Variants in ATRNL1 observed in about 807,000 individuals in gnomAD.
ATRNL1 encodes attractin like 1.
A neutral mutation model predicts 182.7 loss-of-function variants in ATRNL1; 95 were observed. The observed-to-expected ratio is 0.52, with a 90% CI of 0.44 to 0.62. ATRNL1 has a LOEUF of 0.62. ATRNL1 is among the 20% of genes least tolerant of loss of function. The probability of loss-of-function intolerance (pLI) is 0.00; values close to 1 mark genes in which losing one functional copy is unlikely to be tolerated. For missense variants in ATRNL1, 1,471 were observed against 1,679.5 expected, an observed-to-expected ratio of 0.88 and a Z score of 2.17; for synonymous variants, 576 against 568.3, an observed-to-expected ratio of 1.01 and a Z score of -0.19.
At chr10:115,651,255 T>C (rs1283511372) in intron 26 of ATRNL1, among the ~76,000 whole-genome samples, 4 of 150,162 alleles carry the variant, frequency 2.7e-5, no homozygotes, top group Non-Finnish European at 5.9e-5. Flanking sequence ...GGGCTACCTA[T>C]TGGGTACTAT....
chr10:115,703,723 T>G (rs1946811311), intron 26 of ATRNL1, among the ~76,000 whole-genome samples: 1 of 151,752 alleles, frequency 6.6e-6, no homozygotes, highest in South Asian at 2.1e-4. Context: ...AAAAATATAT[T>G]TAAAACAAAC....
chr10:115,583,615 C>T (rs4463771), intron 26 of ATRNL1, among the ~76,000 whole-genome samples: 130,537 of 134,534 alleles, frequency 0.97, 63,533 homozygotes, highest in East Asian at 1. Flanking sequence ...CCTGAAACTT[C>T]GCTGAAGTTG....
chr10:115,794,130 A>G (rs1676277156), intron 27 of ATRNL1, among the ~76,000 whole-genome samples: 2 of 152,170 alleles, frequency 1.3e-5, no homozygotes, highest in Non-Finnish European at 2.9e-5. Context: ...TGGGATTAAC[A>G]TTTGCTCTAC....
At chr10:115,355,752 C>T (rs1183920345) in intron 19 of ATRNL1, among the ~76,000 whole-genome samples, 1 of 151,810 alleles carries the variant, frequency 6.6e-6, no homozygotes, top group Non-Finnish European at 1.5e-5. Flanking sequence ...ATTATGAATA[C>T]ATTTTTTTCC....
chr10:115,730,044 G>A (rs1284648942), intron 27 of ATRNL1, among the ~76,000 whole-genome samples: 2 of 151,672 alleles, frequency 1.3e-5, no homozygotes, highest in Admixed American at 6.6e-5. Context: ...ATCATTTGAG[G>A]TTAGGAGTTC....
chr10:115,800,154 G>C (rs777498226), intron 27 of ATRNL1, among the ~76,000 whole-genome samples: 7 of 151,682 alleles, frequency 4.6e-5, no homozygotes, highest in Non-Finnish European at 2.9e-5. Context: ...CCACGAGATG[G>C]AGGTTGAAGT....
At chr10:115,392,222 CT>C (rs1286291718) in intron 19 of ATRNL1, among the ~76,000 whole-genome samples, 6 of 151,998 alleles carry the variant, frequency 3.9e-5, no homozygotes, top group Non-Finnish European at 7.4e-5. Context: ...ATAAGCAGTA[CT>C]TTTTTTCAGA....
At chr10:115,869,746 T>G (rs1951532874) in intron 28 of ATRNL1, among the ~76,000 whole-genome samples, 2 of 152,126 alleles carry the variant, frequency 1.3e-5, no homozygotes, top group Admixed American at 6.5e-5. Context: ...TATTCAGGAC[T>G]TTAGACATAT....
chr10:115,723,925 A>G (rs1555058955), intron 26 of ATRNL1, among the ~76,000 whole-genome samples: 1 of 152,200 alleles, frequency 6.6e-6, no homozygotes, highest in East Asian at 1.9e-4. Flanking sequence ...GTTATTATGT[A>G]CAACAAATAA....
At chr10:115,223,046 G>C (rs528183540) in intron 9 of ATRNL1, among the ~76,000 whole-genome samples, 2 of 152,282 alleles carry the variant, frequency 1.3e-5, no homozygotes, top group South Asian at 4.1e-4. Flanking sequence ...TTGGAGAGCT[G>C]AGGTGGGCAG....
chr10:115,508,098 TTTGG>T (rs1473302052), intron 24 of ATRNL1, among the ~76,000 whole-genome samples: 1 of 152,044 alleles, frequency 6.6e-6, no homozygotes, highest in Non-Finnish European at 1.5e-5. Context: ...TGCACCACAT[TTTGG>T]TTATTTTTAA....
intron 27 of ATRNL1, chr10:115,820,500 A>G (rs1950267081): frequency 6.6e-6 from 1 of 152,106 alleles, no homozygotes; most frequent in African/African-American, 2.4e-5. Context: ...ACATATGTCA[A>G]GACTTTGGAT....
intron 28 of ATRNL1, among the ~76,000 whole-genome samples, chr10:115,872,618 A>C (rs1366059875): frequency 1.3e-5 from 2 of 152,214 alleles, no homozygotes; most frequent in African/African-American, 4.8e-5. Flanking sequence ...CTTATCTCAC[A>C]AGTCAAGCAG....
chr10:115,557,419 T>C (rs1554997324), intron 26 of ATRNL1, among the ~76,000 whole-genome samples: 2 of 152,084 alleles, frequency 1.3e-5, no homozygotes, highest in African/African-American at 2.4e-5. Context: ...GCACCCAGCA[T>C]GAATACTGGA....
At chr10:115,417,494 C>T (rs147077036) in intron 20 of ATRNL1, among the ~76,000 whole-genome samples, 1 of 152,194 alleles carries the variant, frequency 6.6e-6, no homozygotes, top group Non-Finnish European at 1.5e-5. Context: ...CCAGCTCCCC[C>T]CACTGTAGTC....
At chr10:115,106,393 T>A (rs1206091925) in intron 1 of ATRNL1, among the ~76,000 whole-genome samples, 1 of 152,044 alleles carries the variant, frequency 6.6e-6, no homozygotes, top group Non-Finnish European at 1.5e-5. Context: ...GATGAGACCT[T>A]GGGGGTGCTG....
intron 26 of ATRNL1, among the ~76,000 whole-genome samples, chr10:115,717,771 G>C (rs1555056716): frequency 1.3e-5 from 2 of 151,718 alleles, no homozygotes; most frequent in Non-Finnish European, 2.9e-5. Context: ...GGCCAGTATG[G>C]TCTCCATCTC....
At chr10:115,889,295 G>A (rs189517516) in intron 28 of ATRNL1, among the ~76,000 whole-genome samples, 1 of 151,386 alleles carries the variant, frequency 6.6e-6, no homozygotes, top group Non-Finnish European at 1.5e-5. Context: ...TTGATAAACA[G>A]CCTGCCCCAC....
At chr10:115,675,841 T>C (rs1464079063) in intron 26 of ATRNL1, among the ~76,000 whole-genome samples, 1 of 152,120 alleles carries the variant, frequency 6.6e-6, no homozygotes, top group Non-Finnish European at 1.5e-5. Flanking sequence ...CTTATTATTA[T>C]GCTCATATCT....
Sources: gnomAD v4.1 joint callset for allele counts (sites outside exome capture counted in the v4.1 genomes callset) on GRCh38, gnomAD v4.1.1 for gene constraint, MANE v1.5 for transcripts, NCBI Gene and HGNC (gene_info 2026-07-23, HGNC 2026-07-21) for gene names.